The following BCAN variants were observed in gnomAD, a reference collection of about 807,000 sequenced individuals.
The protein encoded by BCAN is brevican, also known as brevican core protein.
In BCAN, 51 loss-of-function variants were observed where a neutral mutation model predicts 92.4. The ratio of observed to expected loss-of-function variants is 0.55; its 90% CI spans 0.44 to 0.70. The LOEUF (loss-of-function observed/expected upper bound fraction) is 0.70. Among genes scored for constraint, BCAN ranks in the 30% least tolerant of loss-of-function variants. The pLI is 0.00. For synonymous variants in BCAN, 501 were observed against 505.2 expected (o/e 0.99, Z 0.11); for missense variants, 1,140 against 1,212.1 (o/e 0.94, Z 0.88).
rs1679166749 is a variant in BCAN, at chr1:156,651,576, A to T, written c.1184A>T (p.Glu395Val). The T allele has an allele frequency of 6.2e-7, 1 of 1,613,968 alleles. No homozygotes were observed. Among genetic ancestry groups the T allele is most frequent in the Non-Finnish European group, 8.5e-7 (1 of 1,180,008 alleles). Residue 395 changes from glutamate to valine, a missense_variant, in exon 7 of 14, where the codon GAA becomes GTA. Physicochemically the swap from Glu to Val is moderately radical, Grantham distance 121. This residue lies in a region of BCAN where 825 missense variants were observed against 871.8 expected (regional missense o/e 0.95). Transcript: ENST00000329117. ...CTGGAGGAACTGCAGCTGCCTCAGG[A>T]AGCCACAGAGAGTGAATCCCGTGGG... ...ETLEELQLPQEATESESRGAI... is the reference protein window; with the variant it reads ...ETLEELQLPQVATESESRGAI...
intron 7 of BCAN, 111 bp from the exon 8 acceptor site, chr1:156,652,137 C>T: frequency 1.4e-6 from 2 of 1,432,574 alleles, no homozygotes; most frequent in Middle Eastern, 2.5e-4. Context: ...GGTCTCTTCC[C>T]TATTCCCCAG....
At position 156,646,058 on chromosome 1, in the gene BCAN, G is replaced by A. The variant is rs145536583; in HGVS notation, c.4G>A (p.Ala2Thr). The change falls in exon 2 of 14, where the codon GCC (alanine) becomes ACC (threonine). Residue 2 changes from alanine (A) to threonine (T), a missense_variant. By Grantham distance (58) the Ala-to-Thr change is moderately conservative (BLOSUM62 0). Around this residue, in one of 3 missense-constraint regions of BCAN, gnomAD observed 286 missense variants for 284.1 expected, o/e 1.01. Transcript: ENST00000329117. ...TGTCCCTCTGTCAGCCTGCAGCATG[G>A]CCCAGCTGTTCCTGCCCCTGCTGGC... M[A>T]QLFLPLLAAL... 20 of 1,612,482 alleles carry A rather than the reference G, an allele frequency of 1.2e-5. No homozygotes were observed. Among genetic ancestry groups the A allele is most frequent in the Non-Finnish European group, 1.6e-5 (19 of 1,178,804 alleles).
Position 156,652,507 on chromosome 1 carries a change from A to G in BCAN, c.1557A>G (p.Ala519=). ...CAAGGGCAGTCCTGCAGCCTGGTGC[A>G]TCACCACTTCCTGATGGAGAGTCAG... The part of the protein sequence containing the change: ...APARAVLQPG[A]SPLPDGESEA... The change falls in exon 8 of 14, where the codon GCA becomes GCG. Residue 519 remains alanine (A), a synonymous_variant. Transcript: ENST00000329117. 2 of 1,611,052 alleles carry G rather than the reference A, an allele frequency of 1.2e-6. No individual in the cohort carries two copies. Among genetic ancestry groups the G allele is most frequent in the South Asian group, 2.2e-5 (2 of 90,550 alleles).
In BCAN at chr1:156,647,069, C is replaced by T. The variant is rs1362778721; in HGVS notation, c.360C>T (p.Val120=). The T allele has an allele frequency of 6.2e-7, 1 of 1,610,124 alleles. No homozygotes were observed. The highest frequency in any genetic ancestry group is 8.5e-7 in the Non-Finnish European group (1 of 1,177,266). The change falls in exon 3 of 14, where the codon GTC becomes GTT. Residue 120 remains valine (V), a synonymous_variant. Coordinates refer to ENST00000329117, the MANE Select transcript of BCAN (RefSeq NM_021948.5). This position sits in a 1 kb window ranked among gnomAD's most constrained non-coding sequence, Gnocchi z 4.8. ...LPAYPASLTD[V]SLALSELRPN... ...CGTACCCAGCGTCGCTCACCGACGT[C>T]TCCCTGGCGCTGAGCGAGCTGCGCC...
chr1:156,650,027 G>A, intron 6 of BCAN: 2 of 498,870 alleles, frequency 4.0e-6, no homozygotes, highest in Admixed American at 4.1e-5. Context: ...CTTCCATTTG[G>A]ACAGATCTGT....
chr1:156,644,205 C>T (rs889412202), intron 1 of BCAN: 3 of 152,266 alleles, frequency 2.0e-5, no homozygotes, highest in East Asian at 3.8e-4. Flanking sequence ...CCTCTTCCCT[C>T]ACTCTCCCAC....
chr1:156,645,215 G>C (rs1368395242), intron 1 of BCAN, among the ~76,000 whole-genome samples: 4 of 152,158 alleles, frequency 2.6e-5, no homozygotes, highest in Admixed American at 6.5e-5. Context: ...TTTCACAAAA[G>C]GTAGGGTGGG....
At chr1:156,657,355 G>A (rs1269203986) in intron 10 of BCAN, 10 of 572,988 alleles carry the variant, frequency 1.7e-5, no homozygotes, top group Non-Finnish European at 3.0e-5. Flanking sequence ...GCAGGGGGCC[G>A]CCTCCAATCC....
At chr1:156,656,828 C>G in intron 9 of BCAN, 110 bp from the exon 10 acceptor site, 1 of 1,460,286 alleles carries the variant, frequency 6.8e-7, no homozygotes. Flanking sequence ...TCCTGTCCCC[C>G]TTAGTCCCGC....
chr1:156,650,982 C>A (rs1236552874), intron 6 of BCAN, among the ~76,000 whole-genome samples: 1 of 152,162 alleles, frequency 6.6e-6, no homozygotes, highest in Non-Finnish European at 1.5e-5. Flanking sequence ...ACACCTCACA[C>A]CTTGCCCCAA....
intron 9 of BCAN, 67 bp from the exon 10 acceptor site, chr1:156,656,871 G>GC: frequency 6.4e-7 from 1 of 1,572,964 alleles, no homozygotes; most frequent in South Asian, 1.2e-5. Flanking sequence ...AAGGAGACCA[G>GC]CCCCTTCCAG....
intron 8 of BCAN, among the ~76,000 whole-genome samples, chr1:156,654,355 C>T (rs1053438083): frequency 1.3e-5 from 2 of 152,118 alleles, no homozygotes; most frequent in Non-Finnish European, 2.9e-5. Context: ...CACAACTGGC[C>T]TTGGAGTTCA....
intron 8 of BCAN, chr1:156,653,218 A>T (rs2102567683): frequency 7.7e-7 from 1 of 1,299,342 alleles, no homozygotes; most frequent in African/African-American, 1.5e-5. Flanking sequence ...AAGGGTCCTC[A>T]TCACCTATTG....
intron 6 of BCAN, chr1:156,649,754 C>T: frequency 2.5e-6 from 1 of 406,794 alleles, no homozygotes; most frequent in East Asian, 6.4e-5. Flanking sequence ...TTCTGGGACT[C>T]TCAGATGCAA....
In BCAN at chr1:156,658,086, C is replaced by T. The variant is rs1486493134; in HGVS notation, c.2293-41C>T. On this transcript the variant is annotated intron_variant, in intron 11 of 13. Transcript: ENST00000329117. The surrounding 1 kb of genome is among the most constrained non-coding windows in gnomAD (Gnocchi z 4.4). The stretch of plus-strand genomic sequence containing the variant: ...ATCCTCTAGGCCCTCTCCCGGTGCT[C>T]CTGGTGTAGGAGCTCCTCACCACCT... 3.1e-6 allele frequency: 5 copies of T among 1,603,674 alleles called. No individual in the cohort carries two copies. Among genetic ancestry groups the T allele is most frequent in the Non-Finnish European group, 3.4e-6 (4 of 1,174,478 alleles).
intron 5 of BCAN, 68 bp from the exon 6 acceptor site, chr1:156,648,490 GCCCAGGGTTC>G: frequency 3.5e-6 from 5 of 1,431,306 alleles, no homozygotes; most frequent in Non-Finnish European, 4.8e-6. Context: ...GGAGAAGCTT[GCCCAGGGTTC>G]CCATGGGAGA....
intron 8 of BCAN, 76 bp downstream of exon 8, chr1:156,652,968 C>T (rs1389864759): frequency 6.3e-7 from 1 of 1,581,100 alleles, no homozygotes; most frequent in Admixed American, 1.7e-5. Context: ...GTCACCTGAC[C>T]TGTAGTCCTT....
intron 10 of BCAN, 99 bp from the exon 11 acceptor site, chr1:156,657,576 G>C: frequency 1.1e-6 from 1 of 932,158 alleles, no homozygotes; most frequent in Middle Eastern, 2.3e-4. Context: ...CTGGATCGCG[G>C]GGAAGGGTTT....
At position 156,651,478 on chromosome 1, in the gene BCAN, C is replaced by A; in HGVS notation, c.1086C>A (p.Ile362=). The A allele has an allele frequency of 6.2e-7, 1 of 1,613,964 alleles. No homozygotes were observed. Among genetic ancestry groups the A allele is most frequent in the South Asian group, 1.1e-5 (1 of 91,076 alleles). ...CAGACTCGGCCCAGCCTTCTGCCAT[C>A]CCTGAGGCCTCCAACCCAGCCTCCA... ...CFRDSAQPSA[I]PEASNPASNP... The change falls in exon 7 of 14, where the codon ATC becomes ATA. Residue 362 remains isoleucine (I), a synonymous_variant. Coordinates refer to ENST00000329117, the MANE Select transcript of BCAN (RefSeq NM_021948.5).
Sources: allele counts gnomAD v4.1 joint callset (sites outside exome capture counted in the v4.1 genomes callset), GRCh38; gene constraint gnomAD v4.1.1; regional missense constraint gnomAD v4.1.1; non-coding constraint Gnocchi (gnomAD v3.1); transcripts MANE v1.5; gene names NCBI Gene and HGNC (gene_info 2026-07-23, HGNC 2026-07-21).